MGMT: variants seen among roughly 807,000 people sequenced by gnomAD.
MGMT encodes O-6-methylguanine-DNA methyltransferase.
MGMT carries 14 observed loss-of-function variants against 15.9 expected under a neutral mutation model. The ratio of observed to expected loss-of-function variants is 0.88; its 90% CI spans 0.58 to 1.37. The LOEUF is 1.37. Ranked by LOEUF, MGMT falls within the 40% of genes most tolerant of loss-of-function variation. The probability of loss-of-function intolerance (pLI) is 0.00; values close to 1 mark genes in which losing one functional copy is unlikely to be tolerated. For synonymous variants in MGMT, 130 were observed against 118.2 expected, an observed-to-expected ratio of 1.10 and a Z score of -0.65; for missense variants, 282 against 268.1, an observed-to-expected ratio of 1.05 and a Z score of -0.36.
intron 2 of MGMT, among the ~76,000 whole-genome samples, chr10:129,578,492 A>G (rs1187542374): frequency 1.4e-5 from 2 of 146,036 alleles, no homozygotes; most frequent in Non-Finnish European, 3.0e-5. Context: ...ATGAGAACAC[A>G]TGGACACAGG....
At chr10:129,759,127 G>T (rs1848840535) in intron 3 of MGMT, 75 bp from the exon 4 acceptor site, 3 of 1,557,100 alleles carry the variant, frequency 1.9e-6, no homozygotes, top group African/African-American at 1.4e-5. Flanking sequence ...TCCTGTTTTG[G>T]GACTAGTGGC....
At chr10:129,625,113 A>C (rs969825481) in intron 2 of MGMT, among the ~76,000 whole-genome samples, 1 of 152,250 alleles carries the variant, frequency 6.6e-6, no homozygotes, top group Admixed American at 6.5e-5. Flanking sequence ...GATAATGAGG[A>C]TGTTATTTAA....
chr10:129,552,222 G>A (rs1846165157), intron 2 of MGMT, among the ~76,000 whole-genome samples: 1 of 152,242 alleles, frequency 6.6e-6, no homozygotes, highest in African/African-American at 2.4e-5. Context: ...CTGAACATGT[G>A]GGAGGGGCAG....
intron 3 of MGMT, among the ~76,000 whole-genome samples, chr10:129,720,568 G>A (rs1848358379): frequency 6.6e-6 from 1 of 152,244 alleles, no homozygotes; most frequent in Admixed American, 6.5e-5. Flanking sequence ...TCTTAGGAAG[G>A]CAGCAAGTAA....
At chr10:129,583,863 G>T (rs183125322) in intron 2 of MGMT, among the ~76,000 whole-genome samples, 1 of 152,212 alleles carries the variant, frequency 6.6e-6, no homozygotes, top group Non-Finnish European at 1.5e-5. Context: ...GTTTTTTTTG[G>T]TGGAGCTGGG....
chr10:129,561,408 G>T (rs1378023438), intron 2 of MGMT, among the ~76,000 whole-genome samples: 1 of 152,186 alleles, frequency 6.6e-6, no homozygotes, highest in African/African-American at 2.4e-5. Flanking sequence ...GACGAGGGGA[G>T]CAGAAGCTGC....
At chr10:129,513,167 A>G (rs1433028504) in intron 1 of MGMT, among the ~76,000 whole-genome samples, 1 of 152,204 alleles carries the variant, frequency 6.6e-6, no homozygotes, top group Non-Finnish European at 1.5e-5. Flanking sequence ...CAAGTACTAT[A>G]TGGGTCCACA....
chr10:129,488,004 T>TACACACACACACACACAC (rs373298935), intron 1 of MGMT, among the ~76,000 whole-genome samples: 342 of 121,486 alleles, frequency 2.8e-3, no homozygotes, highest in Non-Finnish European at 3.7e-3. Context: ...CACATAGGTA[T>TACACACACACACACACAC]ACACACACAC....
chr10:129,542,556 T>C (rs1468465845), intron 2 of MGMT, among the ~76,000 whole-genome samples: 3 of 152,232 alleles, frequency 2.0e-5, no homozygotes, highest in African/African-American at 7.2e-5. Context: ...GTAGGACTTT[T>C]ACCTGCGGCA....
At chr10:129,488,980 C>T (rs967568554) in intron 1 of MGMT, among the ~76,000 whole-genome samples, 5 of 152,190 alleles carry the variant, frequency 3.3e-5, no homozygotes, top group African/African-American at 1.2e-4. Context: ...ATGCCTTTTT[C>T]TAGGCTCTCC....
chr10:129,766,480 C>G (rs565765532), intron 4 of MGMT, among the ~76,000 whole-genome samples: 1 of 152,202 alleles, frequency 6.6e-6, no homozygotes, highest in African/African-American at 2.4e-5. Flanking sequence ...TATTACTCAC[C>G]GGATGAAATT....
At chr10:129,578,006 TG>T (rs1329747054) in intron 2 of MGMT, among the ~76,000 whole-genome samples, 8 of 152,184 alleles carry the variant, frequency 5.3e-5, no homozygotes, top group African/African-American at 1.9e-4. Context: ...CCAGTTAGAA[TG>T]GCAATCATTA....
intron 2 of MGMT, among the ~76,000 whole-genome samples, chr10:129,632,819 AATG>A (rs71478945): frequency 0.35 from 53,208 of 151,810 alleles, 10,678 homozygotes; most frequent in African/African-American, 0.55. Context: ...ATTCTCATTT[AATG>A]ATATTTGATT....
intron 1 of MGMT, among the ~76,000 whole-genome samples, chr10:129,512,035 C>T (rs1430252491): frequency 2.0e-5 from 3 of 152,140 alleles, no homozygotes; most frequent in Non-Finnish European, 2.9e-5. Flanking sequence ...GTGTGGCTGG[C>T]CAGGAAAGGG....
At chr10:129,736,189 G>A (rs1456058239) in intron 3 of MGMT, among the ~76,000 whole-genome samples, 1 of 144,762 alleles carries the variant, frequency 6.9e-6, no homozygotes, top group East Asian at 2.2e-4. Flanking sequence ...TTAATGTGTG[G>A]GAGTCTAAGT....
intron 2 of MGMT, among the ~76,000 whole-genome samples, chr10:129,698,356 T>C (rs1848056504): frequency 1.3e-5 from 2 of 152,092 alleles, no homozygotes; most frequent in African/African-American, 2.4e-5. Flanking sequence ...CGTGGCTTCT[T>C]CTCTAGGGCT....
At chr10:129,505,487 T>C (rs964491357) in intron 1 of MGMT, among the ~76,000 whole-genome samples, 1 of 152,214 alleles carries the variant, frequency 6.6e-6, no homozygotes, top group Admixed American at 6.5e-5. Context: ...AGGCTGAATT[T>C]TAGGGGTCAT....
intron 1 of MGMT, among the ~76,000 whole-genome samples, chr10:129,517,787 G>C (rs116858807): frequency 1.3e-5 from 2 of 151,122 alleles, no homozygotes; most frequent in East Asian, 3.9e-4. Context: ...AACCCTCACT[G>C]TGACCCCACG....
intron 3 of MGMT, among the ~76,000 whole-genome samples, chr10:129,734,160 A>G (rs1260326367): frequency 2.0e-5 from 3 of 150,162 alleles, no homozygotes. Flanking sequence ...CAGTATGGCC[A>G]TTTTCACGAT....
Sources: gnomAD v4.1 joint callset for allele counts (sites outside exome capture counted in the v4.1 genomes callset) on GRCh38, gnomAD v4.1.1 for gene constraint, MANE v1.5 for transcripts, NCBI Gene and HGNC (gene_info 2026-07-23, HGNC 2026-07-21) for gene names.